Variants in LRMDA observed in about 807,000 individuals in gnomAD.
The protein encoded by LRMDA is leucine rich melanocyte differentiation associated, also known as leucine-rich melanocyte differentiation-associated protein.
In LRMDA, 18 loss-of-function variants were observed where a neutral mutation model predicts 29.8. The ratio of observed to expected loss-of-function variants is 0.60; its 90% confidence interval spans 0.42 to 0.90. The LOEUF is 0.90. Among genes scored for constraint, LRMDA ranks in the 40% least tolerant of loss-of-function variants. The pLI, the probability that LRMDA is intolerant of heterozygous loss-of-function variation, is 0.00. For synonymous variants in LRMDA, 125 were observed against 109.4 expected (o/e 1.14, Z -0.89); for missense variants, 273 against 273.9 (o/e 1.00, Z 0.02).
At chr10:76,361,000 C>A (rs181422685) in intron 6 of LRMDA, among the ~76,000 whole-genome samples, 38 of 152,220 alleles carry the variant, frequency 2.5e-4, no homozygotes, top group African/African-American at 9.1e-4. Context: ...GTGGCTTATG[C>A]CTGTAATCTG....
intron 2 of LRMDA, among the ~76,000 whole-genome samples, chr10:75,504,807 G>T (rs1304773471): frequency 3.9e-5 from 6 of 152,140 alleles, no homozygotes; most frequent in African/African-American, 1.2e-4. Flanking sequence ...TGTGTATAAA[G>T]ATTTTTACTG....
intron 2 of LRMDA, among the ~76,000 whole-genome samples, chr10:75,525,240 C>A (rs1028141433): frequency 2.0e-5 from 3 of 152,136 alleles, no homozygotes; most frequent in African/African-American, 7.2e-5. Flanking sequence ...ATTTGCTTAC[C>A]AGTTGGCAGG....
chr10:76,372,667 C>T (rs1841468768), intron 6 of LRMDA, among the ~76,000 whole-genome samples: 1 of 57,960 alleles, frequency 1.7e-5, no homozygotes, highest in Non-Finnish European at 4.5e-5. Context: ...CCTTAATTCC[C>T]AATTCTAAGC....
intron 2 of LRMDA, among the ~76,000 whole-genome samples, chr10:75,823,105 G>A (rs187527173): frequency 1.2e-3 from 177 of 152,196 alleles, no homozygotes; most frequent in African/African-American, 3.9e-3. Context: ...AAAAGCAAAA[G>A]TAGACAAATA....
At chr10:75,833,271 G>T (rs569595029) in intron 2 of LRMDA, among the ~76,000 whole-genome samples, 1 of 152,272 alleles carries the variant, frequency 6.6e-6, no homozygotes, top group South Asian at 2.1e-4. Context: ...GTTTTGTAGG[G>T]ATATTGCAAC....
At chr10:76,301,084 T>C (rs1440665609) in intron 5 of LRMDA, among the ~76,000 whole-genome samples, 2 of 152,192 alleles carry the variant, frequency 1.3e-5, no homozygotes, top group Non-Finnish European at 2.9e-5. Flanking sequence ...GTTAAGATGT[T>C]CAGGAGAGAA....
chr10:76,498,852 G>A (rs1589215857), intron 6 of LRMDA, among the ~76,000 whole-genome samples: 1 of 75,104 alleles, frequency 1.3e-5, no homozygotes, highest in East Asian at 2.5e-4. Flanking sequence ...TTAGTTAAGG[G>A]TGAGGGAGAC....
chr10:75,659,569 T>C (rs1841723532), intron 2 of LRMDA, among the ~76,000 whole-genome samples: 1 of 152,166 alleles, frequency 6.6e-6, no homozygotes, highest in Non-Finnish European at 1.5e-5. Context: ...TTATCTCACT[T>C]ATATGTGTAA....
At chr10:76,015,734 A>G (rs963240676) in intron 2 of LRMDA, among the ~76,000 whole-genome samples, 7 of 152,208 alleles carry the variant, frequency 4.6e-5, no homozygotes, top group Admixed American at 2.0e-4. Flanking sequence ...ACATGCCACT[A>G]TGCTGGTATC....
intron 2 of LRMDA, among the ~76,000 whole-genome samples, chr10:75,618,487 C>CTA (rs911604216): frequency 7.3e-5 from 9 of 123,376 alleles, no homozygotes; most frequent in African/African-American, 1.3e-4. Context: ...TATATATTAA[C>CTA]TATATATATA....
chr10:75,443,061 A>G (rs1006882544), intron 2 of LRMDA, among the ~76,000 whole-genome samples: 1 of 152,104 alleles, frequency 6.6e-6, no homozygotes, highest in Non-Finnish European at 1.5e-5. Flanking sequence ...TTGATTTTGT[A>G]TCCTGCAACT....
At chr10:75,447,143 G>T (rs1564773314) in intron 2 of LRMDA, among the ~76,000 whole-genome samples, 1 of 152,202 alleles carries the variant, frequency 6.6e-6, no homozygotes, top group Non-Finnish European at 1.5e-5. Context: ...TGATTCCTAG[G>T]AGGCAAGGTT....
chr10:76,401,143 C>T (rs751162189), intron 6 of LRMDA, among the ~76,000 whole-genome samples: 22 of 152,050 alleles, frequency 1.4e-4, no homozygotes, highest in Non-Finnish European at 3.2e-4. Context: ...CTTTCCATGC[C>T]CTTGAGCTTC....
At chr10:75,819,276 G>C (rs563118082) in intron 2 of LRMDA, among the ~76,000 whole-genome samples, 1 of 152,162 alleles carries the variant, frequency 6.6e-6, no homozygotes, top group Admixed American at 6.5e-5. Context: ...ATAAGTTTGT[G>C]ATCAGTGACT....
chr10:75,557,948 T>C (rs1840235913), intron 2 of LRMDA, among the ~76,000 whole-genome samples: 1 of 152,130 alleles, frequency 6.6e-6, no homozygotes, highest in Non-Finnish European at 1.5e-5. Flanking sequence ...CTTTACTAAG[T>C]TGTGTCTAAA....
intron 6 of LRMDA, among the ~76,000 whole-genome samples, chr10:76,373,566 C>T (rs1334344984): frequency 1.3e-5 from 2 of 152,052 alleles, no homozygotes; most frequent in Non-Finnish European, 2.9e-5. Flanking sequence ...TTGTTATCTC[C>T]TGTGTTTTTT....
At chr10:76,441,012 C>T (rs973058480) in intron 6 of LRMDA, among the ~76,000 whole-genome samples, 12 of 152,102 alleles carry the variant, frequency 7.9e-5, no homozygotes, top group Admixed American at 1.3e-4. Context: ...AATAAACCAA[C>T]CTAAGAATCT....
At chr10:76,125,256 G>A (rs899557940) in intron 5 of LRMDA, among the ~76,000 whole-genome samples, 1 of 152,260 alleles carries the variant, frequency 6.6e-6, no homozygotes, top group African/African-American at 2.4e-5. Flanking sequence ...AGGGGTGGAG[G>A]GCTAGGGGGA....
chr10:76,025,265 C>T (rs1041475056), intron 2 of LRMDA, among the ~76,000 whole-genome samples: 2 of 148,284 alleles, frequency 1.3e-5, no homozygotes, highest in Admixed American at 1.4e-4. Context: ...GGGAGCAAAA[C>T]ATGGAGGCTG....
Sources: gnomAD v4.1 joint callset for allele counts (sites outside exome capture counted in the v4.1 genomes callset) on GRCh38, gnomAD v4.1.1 for gene constraint, MANE v1.5 for transcripts, NCBI Gene and HGNC (gene_info 2026-07-23, HGNC 2026-07-21) for gene names.